The following UBE2E3 variants were observed in gnomAD, a reference collection of about 807,000 sequenced individuals.
UBE2E3 encodes the protein ubiquitin-conjugating enzyme E2 E3.
UBE2E3 carries 5 observed loss-of-function variants against 23.6 expected under a neutral mutation model. That is an observed-to-expected ratio of 0.21 (90% CI 0.11 to 0.44). The LOEUF is 0.44. UBE2E3 is among the 20% of genes least tolerant of loss of function. The probability of loss-of-function intolerance (pLI) is 0.99; values close to 1 mark genes in which losing one functional copy is unlikely to be tolerated. For missense variants in UBE2E3, 81 were observed against 249.8 expected, an observed-to-expected ratio of 0.32 and a Z score of 4.55; for synonymous variants, 78 against 87.5, an observed-to-expected ratio of 0.89 and a Z score of 0.60.
In UBE2E3 at chr2:181,057,774, G is replaced by T. The variant is rs972605533; in HGVS notation, c.327G>T (p.Val109=). The change falls in exon 4 of 6, where the codon GTG becomes GTT. Residue 109 remains valine (V), a synonymous_variant. Coordinates refer to ENST00000410062, the MANE Select transcript of UBE2E3 (RefSeq NM_006357.4). Reference sequence around the variant, plus strand: ...CGGGTTCTGTATATGAAGGTGGTGTGTTTTTTCTGGATATCACATTTTCAT... The same window carrying T: ...CGGGTTCTGTATATGAAGGTGGTGTTTTTTTTCTGGATATCACATTTTCAT... ...GPPGSVYEGG[V]FFLDITFSSD... The T allele has an allele frequency of 1.1e-5, 18 of 1,611,464 alleles. No individual in the cohort carries two copies. Among genetic ancestry groups the T allele is most frequent in the Non-Finnish European group, 1.4e-5 (17 of 1,178,528 alleles).
intron 3 of UBE2E3, among the ~76,000 whole-genome samples, chr2:180,986,458 A>G (rs1398053229): frequency 5.3e-5 from 8 of 152,088 alleles, no homozygotes; most frequent in Admixed American, 4.6e-4. Context: ...AACTTTGACA[A>G]ATAAAAAGCC....
At chr2:181,040,469 A>AT (rs763065824) in intron 3 of UBE2E3, among the ~76,000 whole-genome samples, 94 of 152,272 alleles carry the variant, frequency 6.2e-4, no homozygotes, top group Non-Finnish European at 1.2e-3. Context: ...GCCACAGTGC[A>AT]TTTTTTCATG....
At chr2:181,018,172 T>C (rs910125713) in intron 3 of UBE2E3, among the ~76,000 whole-genome samples, 3 of 143,960 alleles carry the variant, frequency 2.1e-5, no homozygotes, top group Non-Finnish European at 3.2e-5. Context: ...ATGAATGTTC[T>C]TGAATGTATA....
At chr2:181,062,463 T>C (rs1015509006) in intron 5 of UBE2E3, among the ~76,000 whole-genome samples, 3 of 151,616 alleles carry the variant, frequency 2.0e-5, no homozygotes, top group Non-Finnish European at 3.0e-5. Context: ...AGCAGAAATA[T>C]AACCACCTAG....
intron 3 of UBE2E3, among the ~76,000 whole-genome samples, chr2:180,986,567 T>C (rs1396718979): frequency 3.9e-5 from 6 of 152,178 alleles, no homozygotes; most frequent in Admixed American, 2.6e-4. Flanking sequence ...ATTTTAGCTT[T>C]ACGGTGATTG....
intron 3 of UBE2E3, among the ~76,000 whole-genome samples, chr2:181,016,250 T>TA (rs1685485879): frequency 6.6e-6 from 1 of 151,748 alleles, no homozygotes. Context: ...TTTTTTTTTT[T>TA]AAATTTTTTA....
chr2:180,991,458 G>C (rs1684656769), intron 3 of UBE2E3, among the ~76,000 whole-genome samples: 1 of 152,176 alleles, frequency 6.6e-6, no homozygotes. Context: ...AGGGTTGTTT[G>C]AAAATAAGCA....
intron 3 of UBE2E3, 65 bp downstream of exon 3, chr2:180,984,158 G>A: frequency 7.1e-7 from 1 of 1,414,978 alleles, no homozygotes; most frequent in South Asian, 1.2e-5. Flanking sequence ...TTGATGTATT[G>A]TCTGGATATG....
At position 180,982,126 on chromosome 2, in the gene UBE2E3, C is replaced by T; in HGVS notation, c.84C>T (p.Ala28=). 1.2e-6 allele frequency: 2 copies of T among 1,613,136 alleles called. No homozygotes were observed. Residue 28 remains alanine (A), a synonymous_variant, in exon 2 of 6, where the codon GCC becomes GCT. Transcript: ENST00000410062. ...CAGATGCGGACCAGCGAGACCCAGCCGCTCCAGAGCCTGAAGAACAAGAGG... is the reference window on the plus strand; with the variant it reads ...CAGATGCGGACCAGCGAGACCCAGCTGCTCCAGAGCCTGAAGAACAAGAGG... ...GSSDADQRDP[A]APEPEEQEER...
intron 3 of UBE2E3, among the ~76,000 whole-genome samples, chr2:181,021,352 CTCTTCT>C (rs1219473654): frequency 6.8e-6 from 1 of 146,552 alleles, no homozygotes; most frequent in Non-Finnish European, 1.5e-5. Context: ...TTCTTCTTTT[CTCTTCT>C]TTTTTTTTTG....
At chr2:181,022,738 A>C (rs1021891644) in intron 3 of UBE2E3, among the ~76,000 whole-genome samples, 8 of 151,868 alleles carry the variant, frequency 5.3e-5, no homozygotes, top group Non-Finnish European at 8.8e-5. Context: ...AAAACAAAAA[A>C]CAAAAAAAAA....
chr2:180,983,698 C>G (rs951217896), intron 2 of UBE2E3, among the ~76,000 whole-genome samples: 1 of 152,172 alleles, frequency 6.6e-6, no homozygotes, highest in African/African-American at 2.4e-5. Context: ...TCCCTCCTCC[C>G]TTTTTGTCTC....
At chr2:180,987,444 C>A (rs1274675494) in intron 3 of UBE2E3, 2 of 1,531,976 alleles carry the variant, frequency 1.3e-6, no homozygotes, top group Non-Finnish European at 8.8e-7. Context: ...TAGGAAGAAG[C>A]ACAAATATAC....
intron 3 of UBE2E3, 23 bp from the exon 4 acceptor site, chr2:181,057,670 G>A (rs780629858): frequency 6.3e-7 from 1 of 1,590,268 alleles, no homozygotes; most frequent in South Asian, 1.1e-5. Flanking sequence ...TGTACATACT[G>A]ATTTTTAATT....
chr2:181,030,904 T>TA (rs1268593291), intron 3 of UBE2E3, among the ~76,000 whole-genome samples: 5 of 152,060 alleles, frequency 3.3e-5, no homozygotes, highest in Non-Finnish European at 7.4e-5. Context: ...CCCAAAAATT[T>TA]AAAAAAAATT....
Position 181,040,927 on chromosome 2 carries a change from A to G in UBE2E3, c.246-16766A>G, listed in dbSNP as rs188764693. 8.5e-3 allele frequency among the ~76,000 whole-genome samples: 1,292 copies of G among 151,798 alleles called. 21 individuals are homozygous for G. The highest frequency in any genetic ancestry group is 0.03 in the African/African-American group (1,227 of 41,456). On this transcript the variant is annotated intron_variant, in intron 3 of 5. Transcript: ENST00000410062. ...AGTAGACTCTTAGAGGTTCCTTCTG[A>G]TGCTTCAGCACATTTCCTTTTCTCC... is the stretch of plus-strand genomic sequence containing the variant.
chr2:181,041,961 C>T (rs1188252564), intron 3 of UBE2E3, among the ~76,000 whole-genome samples: 1 of 152,152 alleles, frequency 6.6e-6, no homozygotes, highest in East Asian at 1.9e-4. Context: ...GATATACCTA[C>T]CCTAATTTAG....
At chr2:180,989,793 CCAGT>C in intron 3 of UBE2E3, 2 of 1,334,712 alleles carry the variant, frequency 1.5e-6, no homozygotes, top group Non-Finnish European at 9.9e-7. Context: ...GCTCACATAA[CCAGT>C]CATATTCCTC....
At chr2:181,052,911 A>G (rs1686884497) in intron 3 of UBE2E3, among the ~76,000 whole-genome samples, 1 of 150,436 alleles carries the variant, frequency 6.6e-6, no homozygotes, top group African/African-American at 2.5e-5. Flanking sequence ...TTTTATCCTT[A>G]CCTCCCTTCT....
Sources: gnomAD v4.1 joint callset for allele counts (sites outside exome capture counted in the v4.1 genomes callset) on GRCh38, gnomAD v4.1.1 for gene constraint, MANE v1.5 for transcripts, NCBI Gene and HGNC (gene_info 2026-07-23, HGNC 2026-07-21) for gene names.